The following IGSF5 variants were observed in gnomAD, a reference collection of about 807,000 sequenced individuals.
IGSF5 encodes immunoglobulin superfamily member 5.
IGSF5 carries 41 observed loss-of-function variants against 39.4 expected under a neutral mutation model. The observed-to-expected ratio is 1.04, with a 90% CI of 0.81 to 1.35. The LOEUF is 1.35. Among genes scored for constraint, IGSF5 ranks in the 40% most tolerant of loss-of-function variants. The probability of loss-of-function intolerance (pLI) is 0.00; values close to 1 mark genes in which losing one functional copy is unlikely to be tolerated. For missense variants in IGSF5, 487 were observed against 494.6 expected (o/e 0.98, Z 0.15); for synonymous variants, 183 against 175.3 (o/e 1.04, Z -0.34).
intron 2 of IGSF5, among the ~76,000 whole-genome samples, chr21:39,752,630 T>C (rs2080011234): frequency 6.6e-6 from 1 of 152,350 alleles, no homozygotes; most frequent in East Asian, 1.9e-4. Context: ...TTCCCAGCAG[T>C]GTAAAAGTAT....
At chr21:39,723,368 CT>C in the IGSF5 span, among the ~76,000 whole-genome samples, 187 of 152,296 alleles carry the variant, frequency 1.2e-3, 1 homozygote, top group African/African-American at 4.4e-3. Flanking sequence ...CCAAGTGCAC[CT>C]GCTGAGAAGG....
intron 2 of IGSF5, among the ~76,000 whole-genome samples, chr21:39,758,729 G>C (rs2080045915): frequency 6.6e-6 from 1 of 152,152 alleles, no homozygotes; most frequent in South Asian, 2.1e-4. Flanking sequence ...ACTATACATA[G>C]GGGTGCTGGG....
chr21:39,725,743 A>AC, the IGSF5 span: 1 of 152,320 alleles, frequency 6.6e-6, no homozygotes, highest in South Asian at 2.1e-4. Flanking sequence ...CTGGAAAAAA[A>AC]ACTAGCACAT....
At chr21:39,799,634 G>A (rs184237504) in intron 8 of IGSF5, among the ~76,000 whole-genome samples, 1 of 151,878 alleles carries the variant, frequency 6.6e-6, no homozygotes, top group African/African-American at 2.4e-5. Flanking sequence ...TCGTGTCCCT[G>A]CTCCACCGGC....
At chr21:39,739,633 G>A in the IGSF5 span, among the ~76,000 whole-genome samples, 1 of 152,146 alleles carries the variant, frequency 6.6e-6, no homozygotes, top group Non-Finnish European at 1.5e-5. Flanking sequence ...TGCTGTTGGG[G>A]AGGTTGGCGA....
chr21:39,749,415 G>A (rs2974991), intron 2 of IGSF5, among the ~76,000 whole-genome samples: 109,048 of 151,808 alleles, frequency 0.72, 41,454 homozygotes, highest in Non-Finnish European at 0.84. Flanking sequence ...ATTTCGCCAT[G>A]TTGGCCAGGC....
Position 39,767,390 on chromosome 21 carries a change from T to C in IGSF5, c.418+1538T>C, listed in dbSNP as rs146228641. ...CTGCACATTAAGTTGGGAGCCAGAG[T>C]GGTCTAGTGGTCAGGAGTGCAGACT... On this transcript the variant is annotated intron_variant, in intron 3 of 8. Coordinates refer to ENST00000380588, the MANE Select transcript of IGSF5 (RefSeq NM_001080444.2). 7.9e-4 allele frequency among the ~76,000 whole-genome samples: 120 copies of C among 152,202 alleles called. No homozygotes were observed. The Middle Eastern group carries it at 0.01, about 13-fold the overall frequency.
At chr21:39,772,902 TA>T (rs1222559489) in intron 4 of IGSF5, among the ~76,000 whole-genome samples, 2 of 152,222 alleles carry the variant, frequency 1.3e-5, no homozygotes, top group Non-Finnish European at 2.9e-5. Flanking sequence ...TTTGACTTTA[TA>T]ATTAATATGT....
At chr21:39,731,904 T>C in the IGSF5 span, among the ~76,000 whole-genome samples, 1 of 152,208 alleles carries the variant, frequency 6.6e-6, no homozygotes, top group Non-Finnish European at 1.5e-5. Flanking sequence ...GGAAAACTAA[T>C]AGAGTGACAC....
chr21:39,712,354 T>A, the IGSF5 span, among the ~76,000 whole-genome samples: 3 of 152,290 alleles, frequency 2.0e-5, no homozygotes, highest in Admixed American at 2.0e-4. Context: ...AGGCAAGTCG[T>A]GCAGGATTCA....
intron 3 of IGSF5, 39 bp from the exon 4 acceptor site, chr21:39,770,877 G>T: frequency 7.5e-7 from 1 of 1,328,232 alleles, no homozygotes; most frequent in Non-Finnish European, 9.8e-7. Context: ...CGAGAGGCAT[G>T]GTCATGTCTT....
intron 5 of IGSF5, among the ~76,000 whole-genome samples, chr21:39,782,963 T>C (rs1349457535): frequency 6.6e-6 from 1 of 152,160 alleles, no homozygotes; most frequent in Non-Finnish European, 1.5e-5. Flanking sequence ...GCTCCTAGCA[T>C]ATGAGTGAGA....
the IGSF5 span, among the ~76,000 whole-genome samples, chr21:39,720,688 G>A: frequency 1.3e-5 from 2 of 152,138 alleles, no homozygotes; most frequent in African/African-American, 2.4e-5. Context: ...AAGGGCATTA[G>A]GGAAAAACTG....
the IGSF5 span, among the ~76,000 whole-genome samples, chr21:39,732,315 C>T: frequency 2.1e-4 from 32 of 152,160 alleles, no homozygotes; most frequent in Non-Finnish European, 3.8e-4. Flanking sequence ...ACCAAAATTG[C>T]TAATTATGTC....
chr21:39,765,996 G>A (rs2080085771), intron 3 of IGSF5, 144 bp downstream of exon 3: 1 of 756,946 alleles, frequency 1.3e-6, no homozygotes. Context: ...ACTGATGAAT[G>A]TTTTGCGATT....
intron 5 of IGSF5, among the ~76,000 whole-genome samples, chr21:39,783,668 G>C (rs748322949): frequency 4.6e-5 from 7 of 152,052 alleles, no homozygotes; most frequent in Non-Finnish European, 1.0e-4. Context: ...CCATTCTGTA[G>C]GTTATAATTT....
chr21:39,728,579 G>A, the IGSF5 span, among the ~76,000 whole-genome samples: 1 of 152,200 alleles, frequency 6.6e-6, no homozygotes. Flanking sequence ...AGCCTCAGGA[G>A]ATGACGCACT....
intron 8 of IGSF5, among the ~76,000 whole-genome samples, chr21:39,798,144 A>C (rs993184360): frequency 1.4e-4 from 21 of 152,192 alleles, no homozygotes; most frequent in African/African-American, 5.1e-4. Flanking sequence ...GAGGTGTTTA[A>C]GCAGCTCTGC....
At chr21:39,739,678 G>A in the IGSF5 span, among the ~76,000 whole-genome samples, 1 of 152,112 alleles carries the variant, frequency 6.6e-6, no homozygotes, top group Non-Finnish European at 1.5e-5. Context: ...GGCCTGGGGT[G>A]TAGTAGGGGT....
Sources: gnomAD v4.1 joint callset for allele counts (sites outside exome capture counted in the v4.1 genomes callset) on GRCh38, gnomAD v4.1.1 for gene constraint, MANE v1.5 for transcripts, NCBI Gene and HGNC (gene_info 2026-07-23, HGNC 2026-07-21) for gene names.